The following ANO1 variants were observed in gnomAD, a reference collection of about 807,000 sequenced individuals.
The protein encoded by ANO1 is anoctamin 1, also known as anoctamin-1.
A neutral mutation model predicts 124.0 loss-of-function variants in ANO1; 59 were observed. The observed-to-expected ratio is 0.48, with a 90% CI of 0.39 to 0.59. The LOEUF is 0.59. Among genes scored for constraint, ANO1 ranks in the 20% least tolerant of loss-of-function variants. ANO1 has a pLI of 0.00. For missense variants in ANO1, 1,059 were observed against 1,328.0 expected, an observed-to-expected ratio of 0.80 and a Z score of 3.15; for synonymous variants, 529 against 532.0, an observed-to-expected ratio of 0.99 and a Z score of 0.08.
At chr11:70,024,757 C>T (rs1225064587) in intron 1 of ANO1, among the ~76,000 whole-genome samples, 6 of 152,238 alleles carry the variant, frequency 3.9e-5, no homozygotes, top group Non-Finnish European at 8.8e-5. Flanking sequence ...CACAAAGCCC[C>T]GCTGACAGCC....
At chr11:70,099,515 A>G (rs1033938035) in intron 2 of ANO1, among the ~76,000 whole-genome samples, 2 of 152,172 alleles carry the variant, frequency 1.3e-5, no homozygotes, top group Non-Finnish European at 2.9e-5. Flanking sequence ...TGTGTCTGCA[A>G]CAAGAAAAGA....
chr11:70,136,499 G>A (rs982000796), intron 11 of ANO1, among the ~76,000 whole-genome samples: 1 of 118,592 alleles, frequency 8.4e-6, no homozygotes, highest in Admixed American at 1.1e-4. Flanking sequence ...TCCTTTGGCC[G>A]ATTTCATGTT....
At chr11:70,077,774 C>T (rs965858268), upstream of ANO1, among the ~76,000 whole-genome samples, 1 of 152,226 alleles carries the variant, frequency 6.6e-6, no homozygotes, top group African/African-American at 2.4e-5. Context: ...TCACGCCCTA[C>T]ATCAGGGACG....
intron 1 of ANO1, chr11:70,016,415 G>C (rs548970730): frequency 6.6e-6 from 1 of 152,282 alleles, no homozygotes; most frequent in African/African-American, 2.4e-5. Flanking sequence ...ATCGGATATG[G>C]TGGCGGCTTA....
At chr11:70,113,465 G>A (rs1293291645) in intron 7 of ANO1, among the ~76,000 whole-genome samples, 1 of 147,954 alleles carries the variant, frequency 6.8e-6, no homozygotes, top group Admixed American at 6.7e-5. Flanking sequence ...GAGTCTGGAG[G>A]AGCCCACTCC....
chr11:70,043,807 C>G (rs1857216082), intron 1 of ANO1, among the ~76,000 whole-genome samples: 1 of 151,992 alleles, frequency 6.6e-6, no homozygotes. Flanking sequence ...ACCTATACCA[C>G]AACAAATGAT....
intron 2 of ANO1, among the ~76,000 whole-genome samples, chr11:70,094,162 A>G (rs2515247): frequency 0.71 from 108,512 of 152,132 alleles, 39,825 homozygotes; most frequent in Admixed American, 0.81. Flanking sequence ...CCAGGGCCTG[A>G]CCCTGCTCCT....
intron 1 of ANO1, among the ~76,000 whole-genome samples, chr11:70,014,278 C>G (rs1240631601): frequency 7.4e-5 from 9 of 121,588 alleles, no homozygotes; most frequent in South Asian, 6.5e-4. Context: ...CCCACCCCCC[C>G]ACCAAGGACA....
At chr11:69,992,618 C>T (rs890974224) in intron 1 of ANO1, among the ~76,000 whole-genome samples, 18 of 152,194 alleles carry the variant, frequency 1.2e-4, no homozygotes, top group African/African-American at 3.6e-4. Flanking sequence ...ACTCTCTCTC[C>T]TGGCTCCAAC....
intron 1 of ANO1, among the ~76,000 whole-genome samples, chr11:69,998,993 T>G (rs1226366282): frequency 2.0e-5 from 3 of 146,860 alleles, no homozygotes; most frequent in Admixed American, 1.4e-4. Flanking sequence ...AAGATTGTAC[T>G]ACTGCACTCC....
At chr11:70,123,508 C>T (rs920296832) in intron 8 of ANO1, among the ~76,000 whole-genome samples, 6 of 152,220 alleles carry the variant, frequency 3.9e-5, no homozygotes, top group African/African-American at 9.6e-5. Flanking sequence ...GGGGTTCCCT[C>T]GTCCCCCAGC....
chr11:70,001,076 G>A (rs1856374600), intron 1 of ANO1, among the ~76,000 whole-genome samples: 1 of 152,180 alleles, frequency 6.6e-6, no homozygotes, highest in Admixed American at 6.5e-5. Flanking sequence ...CCTGCACAAG[G>A]GTAAAAGGCC....
rs761915622 is a variant in ANO1 at position 70,156,947 on chromosome 11, A to C, written c.1504A>C (p.Thr502Pro). ...TGACCGGCATTGTTTTGTGTTGTAG[A>C]CTGACAAAGTGAAGCTGACATGGAG... ...VKTAMAGVKL[T>P]DKVKLTWRDR... The change falls in exon 16 of 26, where the codon ACT becomes CCT. Residue 502 changes from threonine to proline, a missense_variant and splice_region_variant. Around this residue, in one of 2 missense-constraint regions of ANO1, gnomAD observed 809 missense variants for 1,094.9 expected, o/e 0.74. Coordinates refer to ENST00000355303, the MANE Select transcript of ANO1 (RefSeq NM_018043.7). 1.9e-6 allele frequency: 3 copies of C among 1,613,470 alleles called. No homozygotes were observed. In the East Asian group the frequency reaches 6.7e-5, roughly 36 times the overall value.
chr11:70,059,348 CAAAAA>C (rs1192273449), intron 1 of ANO1, among the ~76,000 whole-genome samples: 2 of 75,102 alleles, frequency 2.7e-5, no homozygotes, highest in East Asian at 3.7e-4. Flanking sequence ...GAGACACTGT[CAAAAA>C]AAAAAAAAAA....
intron 11 of ANO1, among the ~76,000 whole-genome samples, chr11:70,132,934 C>T (rs1250750193): frequency 1.4e-5 from 2 of 145,240 alleles, no homozygotes; most frequent in African/African-American, 2.5e-5. Context: ...ACAGAGACAG[C>T]GCTGGAGGGA....
chr11:70,144,901 T>C (rs547724951), intron 11 of ANO1, among the ~76,000 whole-genome samples: 2 of 152,090 alleles, frequency 1.3e-5, no homozygotes, highest in Non-Finnish European at 2.9e-5. Flanking sequence ...TAAAATGGAG[T>C]GCGTCGTCCC....
At chr11:69,991,707 A>G (rs1856158693) in intron 1 of ANO1, among the ~76,000 whole-genome samples, 1 of 152,228 alleles carries the variant, frequency 6.6e-6, no homozygotes, top group African/African-American at 2.4e-5. Context: ...GGACAGTTAC[A>G]GTACCAGAAA....
chr11:69,982,706 C>T (rs1460933330), upstream of ANO1, among the ~76,000 whole-genome samples: 4 of 152,144 alleles, frequency 2.6e-5, no homozygotes, highest in African/African-American at 4.8e-5. Context: ...GCCATAGGCC[C>T]GGCTTCTGCA....
chr11:69,992,559 T>G (rs369213341), intron 1 of ANO1, among the ~76,000 whole-genome samples: 2 of 152,234 alleles, frequency 1.3e-5, no homozygotes, highest in South Asian at 2.1e-4. Context: ...GAGACTCAGA[T>G]GCTGAGAGAA....
Sources: allele counts gnomAD v4.1 joint callset (sites outside exome capture counted in the v4.1 genomes callset), GRCh38; gene constraint gnomAD v4.1.1; regional missense constraint gnomAD v4.1.1; transcripts MANE v1.5; gene names NCBI Gene and HGNC (gene_info 2026-07-23, HGNC 2026-07-21).